Variants in PLCB4 observed in about 807,000 individuals in gnomAD.
PLCB4 encodes the protein 1-phosphatidylinositol 4,5-bisphosphate phosphodiesterase beta-4.
Under a neutral mutation model 178.8 loss-of-function variants are expected in PLCB4, and 77 were observed. That is an observed-to-expected ratio of 0.43 (90% CI 0.36 to 0.52). The LOEUF (loss-of-function observed/expected upper bound fraction) is 0.52, where lower values mean the gene tolerates loss of function less well. Ranked by LOEUF, PLCB4 falls within the 20% of genes least tolerant of loss-of-function variation. The pLI, the probability that PLCB4 is intolerant of heterozygous loss-of-function variation, is 0.00. For missense variants in PLCB4, 1,024 were observed against 1,453.4 expected, an observed-to-expected ratio of 0.70 and a Z score of 4.80; for synonymous variants, 496 against 490.8, an observed-to-expected ratio of 1.01 and a Z score of -0.14.
At chr20:9,197,687 T>A (rs6056465) in intron 2 of PLCB4, among the ~76,000 whole-genome samples, 73,372 of 152,166 alleles carry the variant, frequency 0.48, 18,437 homozygotes, top group African/African-American at 0.63. Flanking sequence ...GAAATAAAAC[T>A]AAACCAGGCC....
intron 3 of PLCB4, among the ~76,000 whole-genome samples, chr20:9,218,569 C>T (rs544321180): frequency 6.6e-6 from 1 of 152,272 alleles, no homozygotes; most frequent in South Asian, 2.1e-4. Flanking sequence ...GGGCTGTTGG[C>T]ATTTAATGGC....
rs948343642 is a variant in PLCB4 at position 9,281,537 on chromosome 20, T to C, written c.-15-26263T>C. On this transcript the variant is annotated intron_variant, in intron 3 of 39. Transcript: ENST00000378473. The stretch of plus-strand genomic sequence containing the variant: ...GAGTTTCAAAGTAATTCAACTGAAC[T>C]GTAAAGCAAAATAGGTATAACACAA... Among the ~76,000 whole-genome samples, 4 of 151,992 alleles carry C rather than the reference T, an allele frequency of 2.6e-5. No homozygotes were observed. The East Asian group carries it at 7.7e-4, about 29-fold the overall frequency.
At chr20:9,135,128 A>G (rs2146836585) in intron 2 of PLCB4, among the ~76,000 whole-genome samples, 1 of 152,050 alleles carries the variant, frequency 6.6e-6, no homozygotes, top group Admixed American at 6.6e-5. Flanking sequence ...AGATAGTGCA[A>G]CCCTCCCAAC....
intron 34 of PLCB4, among the ~76,000 whole-genome samples, chr20:9,459,012 TC>T (rs1408544670): frequency 6.6e-6 from 1 of 151,970 alleles, no homozygotes; most frequent in Non-Finnish European, 1.5e-5. Context: ...ATAAAGAAAA[TC>T]CTGATGGAAT....
rs1294295677 is a variant in PLCB4, at chr20:9,397,320, G to A, written c.1510+1702G>A. On this transcript the variant is annotated intron_variant, in intron 19 of 39. Transcript: ENST00000378473. The stretch of plus-strand genomic sequence containing the variant: ...TGTTCAGGCTCCTTTTCAAATTCTA[G>A]TTCTCTTACTCTTTCTACCACCTCT... Among the ~76,000 whole-genome samples the A allele has an allele frequency of 2.6e-5, 4 of 152,278 alleles. No homozygotes were observed. In the South Asian group the frequency reaches 6.2e-4, roughly 24 times the overall value.
At chr20:9,471,996 A>G (rs975107709) in intron 36 of PLCB4, among the ~76,000 whole-genome samples, 2 of 152,230 alleles carry the variant, frequency 1.3e-5, no homozygotes, top group Non-Finnish European at 2.9e-5. Context: ...CGATCGTTGT[A>G]GCGTTGTTTG....
chr20:9,131,866 G>C (rs760846688), intron 2 of PLCB4, among the ~76,000 whole-genome samples: 5 of 152,144 alleles, frequency 3.3e-5, no homozygotes, highest in Non-Finnish European at 7.3e-5. Context: ...TTCTTGGAAT[G>C]CTGCTTCTTG....
chr20:9,163,256 A>T (rs1015651111), intron 2 of PLCB4, among the ~76,000 whole-genome samples: 2 of 152,200 alleles, frequency 1.3e-5, no homozygotes, highest in Admixed American at 1.3e-4. Context: ...AACTGCCGGG[A>T]TGAAAAAAAT....
intron 2 of PLCB4, among the ~76,000 whole-genome samples, chr20:9,135,173 C>T (rs896952133): frequency 2.0e-5 from 3 of 152,042 alleles, no homozygotes; most frequent in Non-Finnish European, 4.4e-5. Flanking sequence ...TATTTATATA[C>T]ACACAAGGTT....
At chr20:9,076,193 G>A (rs538885053) in intron 1 of PLCB4, among the ~76,000 whole-genome samples, 29 of 152,110 alleles carry the variant, frequency 1.9e-4, no homozygotes, top group Non-Finnish European at 3.7e-4. Flanking sequence ...CTGGCCGGGC[G>A]CGATGGCTCA....
In PLCB4 at chr20:9,434,142, A is replaced by C. The variant is rs571093759; in HGVS notation, c.2525-1418A>C. Among the ~76,000 whole-genome samples the C allele has an allele frequency of 3.9e-5, 6 of 152,316 alleles. No individual in the cohort carries two copies. The South Asian group carries it at 6.2e-4, about 16-fold the overall frequency. Reference sequence around the variant, plus strand: ...AAAGTTTAAGCAACCCTTATAATTAATGTATTAGAGCTATATTGCCAATAT... The same window carrying C: ...AAAGTTTAAGCAACCCTTATAATTACTGTATTAGAGCTATATTGCCAATAT... On this transcript the variant is annotated intron_variant, in intron 28 of 39. Coordinates refer to ENST00000378473, the MANE Select transcript of PLCB4 (RefSeq NM_001377142.1).
chr20:9,114,315 T>A (rs2091705167), intron 2 of PLCB4, among the ~76,000 whole-genome samples: 2 of 152,050 alleles, frequency 1.3e-5, no homozygotes, highest in Non-Finnish European at 2.9e-5. Context: ...AGAGGGGTGG[T>A]GCTGATGCTA....
chr20:9,273,884 G>T (rs1290175653), intron 3 of PLCB4, among the ~76,000 whole-genome samples: 1 of 152,036 alleles, frequency 6.6e-6, no homozygotes, highest in African/African-American at 2.4e-5. Context: ...AGTTAGTTGG[G>T]CTTCTGTGTA....
In PLCB4 at chr20:9,108,899, A is replaced by AAGAGAG. The variant is rs34242182; in HGVS notation, c.-79+12579_-79+12584dup. On this transcript the variant is annotated intron_variant, in intron 2 of 39. Coordinates refer to ENST00000378473, the MANE Select transcript of PLCB4 (RefSeq NM_001377142.1). ...TGAGAGAGAGAGGAAGAGAGAAAAC[A>AAGAGAG]AGAGAGAGAGAGAGAGAGAGAGAGA... Among the ~76,000 whole-genome samples, 217 of 142,544 alleles carry AAGAGAG rather than the reference A, an allele frequency of 1.5e-3. 3 individuals carry two copies. Among genetic ancestry groups the AAGAGAG allele is most frequent in the African/African-American group, 5.4e-3 (205 of 38,274 alleles). The allele number at this position is 142,544 out of a possible 152,430, so 93.5% of individuals were successfully genotyped here.
In PLCB4 at chr20:9,070,028, G is replaced by GT. The variant is rs11484188; in HGVS notation, c.-135+831dup. 1.0e-2 allele frequency among the ~76,000 whole-genome samples: 1,506 copies of GT among 150,792 alleles called. 22 individuals carry two copies. Among genetic ancestry groups the GT allele is most frequent in the African/African-American group, 0.034 (1,401 of 41,104 alleles). On this transcript the variant is annotated intron_variant, in intron 1 of 39. Coordinates refer to ENST00000378473, the MANE Select transcript of PLCB4 (RefSeq NM_001377142.1). ...TTTGGCCAGAATATTCAGGAAAGGT[G>GT]TTTTTTTTTCCATATACGTAATACT...
chr20:9,453,563 A>T, intron 33 of PLCB4, 101 bp downstream of exon 33: 1 of 638,088 alleles, frequency 1.6e-6, no homozygotes, highest in South Asian at 2.0e-5. Flanking sequence ...CTTAGTGTTG[A>T]CTTGATTTTC....
chr20:9,085,843 G>C (rs1396315726), intron 1 of PLCB4, among the ~76,000 whole-genome samples: 1 of 152,092 alleles, frequency 6.6e-6, no homozygotes, highest in East Asian at 1.9e-4. Flanking sequence ...ATTATACGGG[G>C]ATTGGTCTTA....
intron 2 of PLCB4, among the ~76,000 whole-genome samples, chr20:9,098,268 A>C (rs889855755): frequency 1.3e-5 from 2 of 152,214 alleles, no homozygotes; most frequent in Non-Finnish European, 1.5e-5. Flanking sequence ...GAGTTATAAA[A>C]ATACACTTTT....
chr20:9,284,485 A>G (rs1601607266), intron 3 of PLCB4, among the ~76,000 whole-genome samples: 1 of 151,910 alleles, frequency 6.6e-6, no homozygotes, highest in Non-Finnish European at 1.5e-5. Context: ...ATCCCAAGGG[A>G]GATGAGGAGC....
Sources: allele counts gnomAD v4.1 joint callset (sites outside exome capture counted in the v4.1 genomes callset), GRCh38; gene constraint gnomAD v4.1.1; transcripts MANE v1.5; gene names NCBI Gene and HGNC (gene_info 2026-07-23, HGNC 2026-07-21).